Variants in NOTCH2 observed in about 807,000 individuals in gnomAD.
The protein encoded by NOTCH2 is notch receptor 2.
In NOTCH2, 29 loss-of-function variants were observed where a neutral mutation model predicts 235.8. That is an observed-to-expected ratio of 0.12 (90% CI 0.09 to 0.17). The LOEUF is 0.17. Ranked by LOEUF, NOTCH2 falls within the 10% of genes least tolerant of loss-of-function variation. The pLI is 1.00. For synonymous variants in NOTCH2, 1,086 were observed against 1,141.5 expected (o/e 0.95, Z 0.98); for missense variants, 2,285 against 3,150.2 (o/e 0.73, Z 6.57).
At chr1:119,978,728 C>T (rs1167756351) in intron 5 of NOTCH2, among the ~76,000 whole-genome samples, 13 of 152,050 alleles carry the variant, frequency 8.5e-5, no homozygotes, top group Admixed American at 8.5e-4. Flanking sequence ...TCTGGCTCTC[C>T]CCACCTTAGG....
At chr1:120,011,101 A>G (rs1475895691) in intron 2 of NOTCH2, among the ~76,000 whole-genome samples, 2 of 152,194 alleles carry the variant, frequency 1.3e-5, no homozygotes, top group Non-Finnish European at 2.9e-5. Flanking sequence ...TAGTGTTGCC[A>G]GGAGCTGTAA....
intron 3 of NOTCH2, among the ~76,000 whole-genome samples, chr1:120,001,772 T>C (rs1292273329): frequency 6.6e-6 from 1 of 152,200 alleles, no homozygotes; most frequent in Non-Finnish European, 1.5e-5. Flanking sequence ...TTATCCACTG[T>C]CATGGTATTC....
rs371580595 is a variant in NOTCH2 at position 119,926,609 on chromosome 1, G to A, written c.3895C>T (p.Arg1299Trp). The A allele has an allele frequency of 5.1e-5, 81 of 1,600,812 alleles. No individual in the cohort carries two copies. The highest frequency in any genetic ancestry group is 6.8e-5 in the Non-Finnish European group (80 of 1,171,960). ...LCVCRSAFTG[R>W]HCETFVDVCP... ...ACATCGACGAAGGTTTCACAGTGCCGGCCTCAGAAAATAAAAAATAAAAAA... is the reference window on the plus strand; with the variant it reads ...ACATCGACGAAGGTTTCACAGTGCCAGCCTCAGAAAATAAAAAATAAAAAA... The change falls in exon 24 of 34, where the codon CGG becomes TGG. Residue 1299 changes from arginine to tryptophan, a missense_variant and splice_region_variant. Physicochemically the swap from Arg to Trp is moderately radical, Grantham distance 101 (BLOSUM62 -3). Around this residue, in one of 6 missense-constraint regions of NOTCH2, gnomAD observed 1,173 missense variants for 1,515.3 expected, o/e 0.77. Transcript: ENST00000256646.
intron 5 of NOTCH2, among the ~76,000 whole-genome samples, chr1:119,974,117 C>A (rs1318665026): frequency 1.3e-5 from 2 of 151,954 alleles, no homozygotes; most frequent in Non-Finnish European, 2.9e-5. Context: ...CAAATAAAAG[C>A]CTTTGGTGAA....
At chr1:119,999,874 A>G (rs1228631726) in intron 3 of NOTCH2, among the ~76,000 whole-genome samples, 1 of 149,244 alleles carries the variant, frequency 6.7e-6, no homozygotes, top group Non-Finnish European at 1.5e-5. Flanking sequence ...GAAGAAAGAC[A>G]GACAGAAAGA....
At position 119,925,337 on chromosome 1, in the gene NOTCH2, G is replaced by A; in HGVS notation, c.4479C>T (p.Asn1493=). 1 of 1,614,086 alleles carries A rather than the reference G, an allele frequency of 6.2e-7. No individual in the cohort carries two copies. The highest frequency in any genetic ancestry group is 8.5e-7 in the Non-Finnish European group (1 of 1,180,042). ...TCTTGCTGTTCCCCTGGCATTCAAAGTTGTCAAACAGGCACTCGACCGTGT... is the reference window on the plus strand; with the variant it reads ...TCTTGCTGTTCCCCTGGCATTCAAAATTGTCAAACAGGCACTCGACCGTGT... The part of the protein sequence containing the change: ...LCNTVECLFD[N]FECQGNSKTC... Residue 1493 remains asparagine (N), a synonymous_variant, in exon 25 of 34, where the codon AAC becomes AAT. Coordinates refer to ENST00000256646, the MANE Select transcript of NOTCH2 (RefSeq NM_024408.4).
rs1429875671 is a variant in NOTCH2 at position 120,069,586 on chromosome 1, C to T, written c.-180G>A. ...GCCTCGACTCCCCGCGCCCCGAGTC[C>T]GCCGCTCCTCGGCCGCCGCCTCAGC... On this transcript the variant is annotated 5_prime_UTR_variant, in exon 1 of 34. Transcript: ENST00000256646. 56 of 1,406,480 alleles carry T rather than the reference C, an allele frequency of 4.0e-5. No individual in the cohort carries two copies. The highest frequency in any genetic ancestry group is 3.6e-4 in the Admixed American group (11 of 30,724). 87.1% of individuals were successfully genotyped at this position (1,406,480 alleles called of 1,614,324 possible).
At chr1:119,980,280 GCAGA>G (rs1651764433) in intron 5 of NOTCH2, among the ~76,000 whole-genome samples, 1 of 152,054 alleles carries the variant, frequency 6.6e-6, no homozygotes, top group Non-Finnish European at 1.5e-5. Context: ...CCCATTCCCA[GCAGA>G]CATCTTACCT....
chr1:119,940,698 G>A lies in NOTCH2; in HGVS notation c.3040C>T (p.Pro1014Ser), dbSNP rs782335325. 2.5e-6 allele frequency: 4 copies of A among 1,613,986 alleles called. 1 individual carries two copies. The South Asian group carries it at 3.3e-5, about 13-fold the overall frequency. Residue 1014 changes from proline (P) to serine (S), a missense_variant, in exon 19 of 34, where the codon CCT (proline) becomes TCT (serine). Around this residue, in one of 6 missense-constraint regions of NOTCH2, gnomAD observed 1,173 missense variants for 1,515.3 expected, o/e 0.77. Coordinates refer to ENST00000256646, the MANE Select transcript of NOTCH2 (RefSeq NM_024408.4). ...DGINSFSCLC[P>S]VGFTGSFCLH... The stretch of plus-strand genomic sequence containing the variant: ...CAGAAGGATCCAGTGAAACCCACAG[G>A]GCACAAGCAAGAGAAGGAGTTAATC...
At chr1:120,039,487 C>A (rs1244971092) in intron 1 of NOTCH2, among the ~76,000 whole-genome samples, 20 of 150,438 alleles carry the variant, frequency 1.3e-4, no homozygotes, top group African/African-American at 4.2e-4. Flanking sequence ...CAGCTCACTG[C>A]AAGCTCCTCC....
At position 119,915,341 on chromosome 1, in the gene NOTCH2, C is replaced by G. The variant is rs766270483; in HGVS notation, c.7381G>C (p.Glu2461Gln). The G allele has an allele frequency of 1.2e-6, 2 of 1,613,770 alleles. No individual in the cohort carries two copies. The highest frequency in any genetic ancestry group is 1.7e-6 in the Non-Finnish European group (2 of 1,180,034). ...ACCTGCATGTTGTTGTGTGGTGGCTCAGACATGTGTGTCCCAGGTCCCCGC... is the reference window on the plus strand; with the variant it reads ...ACCTGCATGTTGTTGTGTGGTGGCTGAGACATGTGTGTCCCAGGTCCCCGC... Reference protein sequence around the residue: ...GQRGPGTHMSEPPHNNMQVYA With the variant: ...GQRGPGTHMSQPPHNNMQVYA The change falls in exon 34 of 34, where the codon GAG (glutamate) becomes CAG (glutamine). Residue 2461 changes from glutamate (E) to glutamine (Q), a missense_variant. Glu to Gln is a conservative substitution (Grantham distance 29). This residue lies in a region of NOTCH2 where 504 missense variants were observed against 538.0 expected (regional missense o/e 0.94). Transcript: ENST00000256646.
chr1:119,998,103 G>A (rs587725313), intron 3 of NOTCH2, among the ~76,000 whole-genome samples: 14 of 142,836 alleles, frequency 9.8e-5, no homozygotes, highest in East Asian at 7.9e-4. Context: ...ATACATGTGC[G>A]CAAACACAGA....
chr1:119,944,810 C>T (rs1553196875), intron 17 of NOTCH2, among the ~76,000 whole-genome samples: 1 of 152,018 alleles, frequency 6.6e-6, no homozygotes, highest in East Asian at 1.9e-4. Flanking sequence ...AAATAAAAAC[C>T]TTTCTGACAC....
At position 120,069,216 on chromosome 1, in the gene NOTCH2, G is replaced by A. The variant is rs61790277; in HGVS notation, c.73+118C>T. ...TCTTGGGAACCCAGCGAGTGGCCTC[G>A]CTCCGCGCCGGCGGCCGAGCCTGGC... On this transcript the variant is annotated intron_variant, in intron 1 of 33. Coordinates refer to ENST00000256646, the MANE Select transcript of NOTCH2 (RefSeq NM_024408.4). 4.7e-5 allele frequency: 72 copies of A among 1,526,498 alleles called. No homozygotes were observed. In the East Asian group the frequency reaches 5.4e-4, roughly 11 times the overall value. 94.6% of individuals were successfully genotyped at this position (1,526,498 alleles called of 1,614,324 possible).
intron 7 of NOTCH2, 23 bp downstream of exon 7, chr1:119,968,054 C>T: frequency 1.2e-6 from 2 of 1,613,826 alleles, no homozygotes; most frequent in Non-Finnish European, 1.7e-6. Context: ...CTTCACAGAA[C>T]AGAAAAAGTT....
intron 25 of NOTCH2, 149 bp from the exon 26 acceptor site, chr1:119,924,133 A>G: frequency 4.3e-6 from 3 of 691,044 alleles, no homozygotes; most frequent in Non-Finnish European, 7.7e-6. Context: ...CCTTCTTTGC[A>G]TCTCCTATCC....
intron 12 of NOTCH2, among the ~76,000 whole-genome samples, chr1:119,958,197 T>G (rs1438513951): frequency 2.0e-5 from 3 of 152,138 alleles, no homozygotes; most frequent in Non-Finnish European, 4.4e-5. Context: ...GAGTAACAAG[T>G]TTCAGGATGC....
rs998223616 is a variant in NOTCH2, at chr1:119,913,574, G to A, written c.*1732C>T. The A allele has an allele frequency of 2.1e-5, 5 of 233,100 alleles. No homozygotes were observed. The Admixed American group carries it at 2.8e-4, about 13-fold the overall frequency. The allele number at this position is 233,100 out of a possible 1,614,324, so 14.4% of individuals were successfully genotyped here. ...ATTATTAACTGGCCCAAGGAGAAGA[G>A]GAAGAAAACTATTCTTTATCTACAA... On this transcript the variant is annotated 3_prime_UTR_variant, in exon 34 of 34. Transcript: ENST00000256646.
At chr1:119,953,466 A>T in intron 14 of NOTCH2, 77 bp downstream of exon 14, 1 of 1,470,232 alleles carries the variant, frequency 6.8e-7, no homozygotes, top group Non-Finnish European at 9.5e-7. Flanking sequence ...AGAAAAGGAA[A>T]CTAAGAAGTG....
Sources: gnomAD v4.1 joint callset for allele counts (sites outside exome capture counted in the v4.1 genomes callset) on GRCh38, gnomAD v4.1.1 for gene constraint, gnomAD v4.1.1 regional missense constraint, MANE v1.5 for transcripts, NCBI Gene and HGNC (gene_info 2026-07-23, HGNC 2026-07-21) for gene names.